DPP10: variants seen among roughly 807,000 people sequenced by gnomAD.
The protein encoded by DPP10 is dipeptidyl peptidase like 10.
Under a neutral mutation model 120.9 loss-of-function variants are expected in DPP10, and 33 were observed. The ratio of observed to expected loss-of-function variants is 0.27; its 90% confidence interval spans 0.21 to 0.37. The LOEUF (loss-of-function observed/expected upper bound fraction) is 0.37, where lower values mean the gene tolerates loss of function less well. DPP10 is among the 10% of genes least tolerant of loss of function. DPP10 has a pLI of 1.00. For synonymous variants in DPP10, 337 were observed against 326.1 expected, an observed-to-expected ratio of 1.03 and a Z score of -0.36; for missense variants, 816 against 942.8, an observed-to-expected ratio of 0.87 and a Z score of 1.76.
chr2:115,835,134 TAAAAAAAAAAA>T (rs59625893), intron 21 of DPP10, among the ~76,000 whole-genome samples: 25 of 135,042 alleles, frequency 1.9e-4, no homozygotes, highest in Non-Finnish European at 4.8e-5. Flanking sequence ...AGACTCTGTC[TAAAAAAAAAAA>T]AGCAAGAGAA....
intron 3 of DPP10, among the ~76,000 whole-genome samples, chr2:115,467,194 A>C (rs1296772505): frequency 6.6e-6 from 1 of 152,230 alleles, no homozygotes; most frequent in African/African-American, 2.4e-5. Context: ...ATGCATGTAC[A>C]CTCATGCATG....
chr2:114,884,594 G>T (rs1046112908), intron 1 of DPP10, among the ~76,000 whole-genome samples: 2 of 152,068 alleles, frequency 1.3e-5, no homozygotes, highest in East Asian at 3.9e-4. Context: ...CGAGGAACAG[G>T]TGGTGTTTGG....
At chr2:115,806,863 G>A (rs1474135541) in intron 19 of DPP10, among the ~76,000 whole-genome samples, 1 of 151,726 alleles carries the variant, frequency 6.6e-6, no homozygotes, top group Admixed American at 6.6e-5. Context: ...AGTTCCTGAA[G>A]CAAGCATGTA....
rs138539433 is a variant in DPP10 at position 115,496,558 on chromosome 2, G to T, written c.272-2952G>T. ...TAATAACAACCTATCACTCATTTAA[G>T]ATTTTCTTTCACTATGAGGAACTAT... On this transcript the variant is annotated intron_variant, in intron 3 of 25. Coordinates refer to ENST00000410059, the MANE Select transcript of DPP10 (RefSeq NM_020868.6). Among the ~76,000 whole-genome samples the T allele has an allele frequency of 5.9e-5, 9 of 152,188 alleles. No homozygotes were observed. In the East Asian group the frequency reaches 1.4e-3, roughly 23 times the overall value.
At chr2:114,764,925 C>G (rs1032529317) in intron 1 of DPP10, among the ~76,000 whole-genome samples, 8 of 151,966 alleles carry the variant, frequency 5.3e-5, no homozygotes, top group Admixed American at 2.0e-4. Context: ...TTATTGTGAC[C>G]TTGAGGGGTT....
At chr2:115,076,369 C>T (rs532591096) in intron 1 of DPP10, among the ~76,000 whole-genome samples, 18 of 144,950 alleles carry the variant, frequency 1.2e-4, no homozygotes, top group African/African-American at 4.2e-4. Context: ...ATTCAGTGCA[C>T]ATAAAAATAT....
At chr2:114,899,784 C>T (rs923660690) in intron 1 of DPP10, among the ~76,000 whole-genome samples, 3 of 151,438 alleles carry the variant, frequency 2.0e-5, no homozygotes, top group Non-Finnish European at 2.9e-5. Flanking sequence ...GGTGAAACCC[C>T]GTCTCTACTA....
chr2:114,617,612 A>G (rs1363552507), intron 1 of DPP10, among the ~76,000 whole-genome samples: 1 of 152,030 alleles, frequency 6.6e-6, no homozygotes, highest in East Asian at 1.9e-4. Flanking sequence ...TGTTGTTTTT[A>G]GTGTTCTCCA....
At chr2:115,193,884 C>G (rs1010044012) in intron 1 of DPP10, among the ~76,000 whole-genome samples, 1 of 152,148 alleles carries the variant, frequency 6.6e-6, no homozygotes, top group Non-Finnish European at 1.5e-5. Flanking sequence ...GGAGTTTCTC[C>G]TAGGTCTGGT....
chr2:115,689,092 TTA>T (rs1190476389), intron 5 of DPP10, among the ~76,000 whole-genome samples: 1 of 152,150 alleles, frequency 6.6e-6, no homozygotes, highest in Admixed American at 6.6e-5. Flanking sequence ...CACAAAATGT[TTA>T]TATAGTTTCA....
intron 1 of DPP10, among the ~76,000 whole-genome samples, chr2:114,721,168 A>T (rs1209903198): frequency 6.6e-6 from 1 of 152,116 alleles, no homozygotes; most frequent in African/African-American, 2.4e-5. Flanking sequence ...AAGAAATTGG[A>T]CTTCATTGCC....
intron 1 of DPP10, among the ~76,000 whole-genome samples, chr2:115,070,408 T>C (rs1376990339): frequency 6.6e-6 from 1 of 152,160 alleles, no homozygotes; most frequent in Admixed American, 6.5e-5. Context: ...CAGAGAATTA[T>C]TAAACAGTAC....
chr2:114,761,624 G>T (rs1253238512), intron 1 of DPP10, among the ~76,000 whole-genome samples: 1 of 152,132 alleles, frequency 6.6e-6, no homozygotes, highest in African/African-American at 2.4e-5. Context: ...ACCCCCAGGG[G>T]ACTTGAGGAG....
intron 1 of DPP10, among the ~76,000 whole-genome samples, chr2:114,533,221 G>C (rs1372240220): frequency 2.0e-5 from 3 of 152,050 alleles, no homozygotes; most frequent in Non-Finnish European, 4.4e-5. Flanking sequence ...GCCCTTGAAT[G>C]GGGGGAACTC....
intron 1 of DPP10, among the ~76,000 whole-genome samples, chr2:114,861,288 C>T (rs962127307): frequency 2.0e-5 from 3 of 152,134 alleles, no homozygotes; most frequent in African/African-American, 7.2e-5. Flanking sequence ...GCAGAGGCTG[C>T]ACAACTCAAG....
intron 1 of DPP10, among the ~76,000 whole-genome samples, chr2:114,865,752 T>C (rs1269124587): frequency 6.6e-6 from 1 of 152,156 alleles, no homozygotes; most frequent in Non-Finnish European, 1.5e-5. Flanking sequence ...CCATTAGTAA[T>C]ACTTAACCAG....
At position 115,621,547 on chromosome 2, in the gene DPP10, A is replaced by G. The variant is rs1328783240; in HGVS notation, c.442-68140A>G. On this transcript the variant is annotated intron_variant, in intron 5 of 25. Coordinates refer to ENST00000410059, the MANE Select transcript of DPP10 (RefSeq NM_020868.6). ...TGTAAACACTTAAGGGATATTTTTTAATACTCTGTAAAGTAAATTTCAGAA... is the reference window on the plus strand; with the variant it reads ...TGTAAACACTTAAGGGATATTTTTTGATACTCTGTAAAGTAAATTTCAGAA... 2.6e-5 allele frequency among the ~76,000 whole-genome samples: 4 copies of G among 152,170 alleles called. No individual in the cohort carries two copies. In the East Asian group the frequency reaches 5.8e-4, roughly 22 times the overall value.
intron 1 of DPP10, among the ~76,000 whole-genome samples, chr2:114,579,824 C>CTT (rs35609044): frequency 0.16 from 24,924 of 151,800 alleles, 2,112 homozygotes; most frequent in Non-Finnish European, 0.19. Flanking sequence ...ATAAAAATGC[C>CTT]TTTTTTTTAC....
chr2:115,493,117 G>A (rs972677071), intron 3 of DPP10, among the ~76,000 whole-genome samples: 3 of 151,936 alleles, frequency 2.0e-5, no homozygotes, highest in Admixed American at 6.6e-5. Flanking sequence ...TTATTAGGAA[G>A]CCACAGGTCT....
Sources: gnomAD v4.1 joint callset for allele counts (sites outside exome capture counted in the v4.1 genomes callset) on GRCh38, gnomAD v4.1.1 for gene constraint, MANE v1.5 for transcripts, NCBI Gene and HGNC (gene_info 2026-07-23, HGNC 2026-07-21) for gene names.